IL1RAPL1: variants seen among roughly 807,000 people sequenced by gnomAD.
IL1RAPL1 encodes the protein interleukin 1 receptor accessory protein like 1.
A neutral mutation model predicts 48.4 loss-of-function variants in IL1RAPL1; 3 were observed. The observed-to-expected ratio is 0.06, with a 90% CI of 0.03 to 0.16. The LOEUF is 0.16. IL1RAPL1 is among the 10% of genes least tolerant of loss of function. The pLI, the probability that IL1RAPL1 is intolerant of heterozygous loss-of-function variation, is 1.00. For missense variants in IL1RAPL1, 349 were observed against 530.6 expected (o/e 0.66, Z 3.36); for synonymous variants, 185 against 187.7 (o/e 0.99, Z 0.12).
intron 5 of IL1RAPL1, among the ~76,000 whole-genome samples, chrX:29,475,696 C>T (rs748189108): frequency 8.1e-5 from 9 of 111,705 alleles, no homozygotes; most frequent in African/African-American, 2.6e-4. Flanking sequence ...ATATGCGTTC[C>T]TACAACATAT....
chrX:29,933,329 A>G (rs112599095), intron 8 of IL1RAPL1, among the ~76,000 whole-genome samples: 3,882 of 111,581 alleles, frequency 0.035, 179 homozygotes, highest in African/African-American at 0.12. Context: ...AACTTATAAT[A>G]AAAGAAAATG....
intron 5 of IL1RAPL1, among the ~76,000 whole-genome samples, chrX:29,443,357 C>T (rs1934572097): frequency 9.1e-6 from 1 of 110,412 alleles, no homozygotes; most frequent in South Asian, 3.9e-4. Context: ...TTCTTCTTGT[C>T]TCTATATAAC....
intron 1 of IL1RAPL1, among the ~76,000 whole-genome samples, chrX:28,640,655 A>G (rs1166633234): frequency 4.6e-5 from 5 of 109,515 alleles, no homozygotes; most frequent in Non-Finnish European, 7.6e-5. Flanking sequence ...CCAGCCATAT[A>G]TACTTTATTA....
chrX:29,371,256 C>G (rs1318167853), intron 3 of IL1RAPL1, among the ~76,000 whole-genome samples: 2 of 107,438 alleles, frequency 1.9e-5, no homozygotes, highest in Non-Finnish European at 3.8e-5. Context: ...CTCAGCCTCC[C>G]AAGTAGCTGG....
chrX:28,873,632 C>G (rs1360474894), intron 2 of IL1RAPL1, among the ~76,000 whole-genome samples: 1 of 101,717 alleles, frequency 9.8e-6, no homozygotes, highest in African/African-American at 3.6e-5. Context: ...CCGGGGTTCA[C>G]GCCATTCTCC....
chrX:29,673,991 C>G (rs1926207054), intron 6 of IL1RAPL1, among the ~76,000 whole-genome samples: 2 of 112,262 alleles, frequency 1.8e-5, no homozygotes, highest in South Asian at 3.7e-4. Flanking sequence ...ATTGTATGAC[C>G]TAACTTACAT....
At chrX:29,572,369 AT>A (rs1297322328) in intron 5 of IL1RAPL1, among the ~76,000 whole-genome samples, 2 of 112,198 alleles carry the variant, frequency 1.8e-5, no homozygotes, top group Non-Finnish European at 3.8e-5. Context: ...CTCCAAAGTC[AT>A]TTTCTGATTA....
At chrX:28,642,533 C>T (rs762564745) in intron 1 of IL1RAPL1, among the ~76,000 whole-genome samples, 1 of 111,970 alleles carries the variant, frequency 8.9e-6, no homozygotes, top group African/African-American at 3.2e-5. Context: ...TACATGGAAG[C>T]AGAACAATCC....
intron 1 of IL1RAPL1, among the ~76,000 whole-genome samples, chrX:28,726,734 C>T (rs1399314059): frequency 1.8e-5 from 2 of 111,558 alleles, no homozygotes; most frequent in African/African-American, 3.3e-5. Context: ...TTATTTCCCC[C>T]ACTTTACAGA....
At chrX:28,604,978 C>G (rs1190428818) in intron 1 of IL1RAPL1, among the ~76,000 whole-genome samples, 4 of 111,255 alleles carry the variant, frequency 3.6e-5, no homozygotes, top group Admixed American at 1.9e-4. Context: ...TTGTGGGCAA[C>G]ACTTACACAA....
chrX:29,782,737 G>A (rs1366051611), intron 6 of IL1RAPL1, among the ~76,000 whole-genome samples: 1 of 109,743 alleles, frequency 9.1e-6, no homozygotes, highest in African/African-American at 3.3e-5. Flanking sequence ...ATAGGAAAAA[G>A]CATTATAATG....
At chrX:29,563,739 A>G (rs897823733) in intron 5 of IL1RAPL1, among the ~76,000 whole-genome samples, 1 of 111,955 alleles carries the variant, frequency 8.9e-6, no homozygotes, top group Non-Finnish European at 1.9e-5. Context: ...TCACTTCTGA[A>G]CGGTCATCTT....
chrX:28,987,455 T>C (rs963447503), intron 2 of IL1RAPL1, among the ~76,000 whole-genome samples: 2 of 112,000 alleles, frequency 1.8e-5, no homozygotes. Context: ...ACTTCTCTTT[T>C]GGTTGAAATA....
At chrX:29,380,111 C>CTT (rs61115437) in intron 3 of IL1RAPL1, among the ~76,000 whole-genome samples, 28 of 98,647 alleles carry the variant, frequency 2.8e-4, no homozygotes, top group Admixed American at 6.5e-4. Context: ...AAAGACCATT[C>CTT]TTTTTTTTTT....
intron 3 of IL1RAPL1, among the ~76,000 whole-genome samples, chrX:29,390,663 G>A (rs191669542): frequency 1.8e-5 from 2 of 111,628 alleles, no homozygotes; most frequent in East Asian, 5.7e-4. Context: ...ACACATTATC[G>A]TACATAGGGC....
chrX:29,644,112 T>C (rs926131028), intron 5 of IL1RAPL1, among the ~76,000 whole-genome samples: 1 of 112,226 alleles, frequency 8.9e-6, no homozygotes, highest in Non-Finnish European at 1.9e-5. Context: ...GTCTTTGTTC[T>C]TTCCATTGCA....
At chrX:29,710,123 T>C (rs1927299451) in intron 6 of IL1RAPL1, among the ~76,000 whole-genome samples, 1 of 111,556 alleles carries the variant, frequency 9.0e-6, no homozygotes, top group African/African-American at 3.3e-5. Context: ...CTATTTCACT[T>C]CTTCTGTTCT....
intron 6 of IL1RAPL1, among the ~76,000 whole-genome samples, chrX:29,707,863 G>A (rs1056476678): frequency 6.4e-5 from 7 of 109,857 alleles, no homozygotes; most frequent in South Asian, 3.9e-4. Flanking sequence ...GTCCACCAAA[G>A]TGATGGGTGA....
At chrX:29,683,590 G>A (rs1479178395) in intron 6 of IL1RAPL1, among the ~76,000 whole-genome samples, 1 of 111,585 alleles carries the variant, frequency 9.0e-6, no homozygotes, top group Non-Finnish European at 1.9e-5. Context: ...TGTGGCACTT[G>A]TTGTGACACT....
Sources: gnomAD v4.1 joint callset for allele counts (sites outside exome capture counted in the v4.1 genomes callset) on GRCh38, gnomAD v4.1.1 for gene constraint, MANE v1.5 for transcripts, NCBI Gene and HGNC (gene_info 2026-07-23, HGNC 2026-07-21) for gene names.